The following USP46 variants were observed in gnomAD, a reference collection of about 807,000 sequenced individuals.
The protein encoded by USP46 is ubiquitin carboxyl-terminal hydrolase 46.
Under a neutral mutation model 44.4 loss-of-function variants are expected in USP46, and 12 were observed. That is an observed-to-expected ratio of 0.27 (90% CI 0.17 to 0.44). USP46 has a LOEUF of 0.44. Ranked by LOEUF, USP46 falls within the 20% of genes least tolerant of loss-of-function variation. USP46 has a pLI of 1.00. For synonymous variants in USP46, 155 were observed against 161.5 expected (o/e 0.96, Z 0.31); for missense variants, 248 against 444.8 (o/e 0.56, Z 3.98).
chr4:52,642,555 T>C (rs1374906927), intron 1 of USP46, among the ~76,000 whole-genome samples: 1 of 152,180 alleles, frequency 6.6e-6, no homozygotes, highest in Admixed American at 6.5e-5. Context: ...GAGAACCCCC[T>C]TCCTTCTGAA....
chr4:52,607,031 T>C (rs149796815), intron 5 of USP46, among the ~76,000 whole-genome samples: 1 of 152,218 alleles, frequency 6.6e-6, no homozygotes, highest in Non-Finnish European at 1.5e-5. Context: ...ATCCTCCCAA[T>C]GTCTACTGCA....
At chr4:52,657,907 A>G (rs1560417159) in intron 1 of USP46, among the ~76,000 whole-genome samples, 1 of 152,200 alleles carries the variant, frequency 6.6e-6, no homozygotes, top group Admixed American at 6.5e-5. Flanking sequence ...CTCCTTTGCC[A>G]TGTGTTGATC....
At chr4:52,611,291 T>A (rs1232425332) in intron 4 of USP46, among the ~76,000 whole-genome samples, 2 of 152,202 alleles carry the variant, frequency 1.3e-5, no homozygotes, top group Non-Finnish European at 2.9e-5. Context: ...GCCGGTTCGG[T>A]GGCCCCAGCT....
At chr4:52,657,280 A>G (rs535340998) in intron 1 of USP46, among the ~76,000 whole-genome samples, 316 of 151,902 alleles carry the variant, frequency 2.1e-3, no homozygotes, top group Non-Finnish European at 2.9e-3. Context: ...GGTCCTCCCC[A>G]CACCCTGTCT....
At chr4:52,606,307 G>A (rs1017563479) in intron 5 of USP46, among the ~76,000 whole-genome samples, 13 of 152,146 alleles carry the variant, frequency 8.5e-5, no homozygotes, top group Admixed American at 4.6e-4. Flanking sequence ...GAACAGCAGC[G>A]GTGACGTATT....
intron 2 of USP46, among the ~76,000 whole-genome samples, chr4:52,630,475 C>T (rs977647274): frequency 6.6e-6 from 1 of 152,148 alleles, no homozygotes; most frequent in African/African-American, 2.4e-5. Context: ...AGATTTCGGG[C>T]CTGGTGCAGT....
intron 7 of USP46, among the ~76,000 whole-genome samples, chr4:52,600,686 A>T (rs1164246754): frequency 2.6e-5 from 4 of 151,366 alleles, no homozygotes; most frequent in African/African-American, 9.7e-5. Context: ...CCTCCTGTCC[A>T]CACCACCCCT....
intron 1 of USP46, among the ~76,000 whole-genome samples, chr4:52,638,943 A>C (rs1318093390): frequency 1.3e-5 from 2 of 152,024 alleles, no homozygotes; most frequent in African/African-American, 2.4e-5. Flanking sequence ...ATAGACACAT[A>C]CTCTAAGAAT....
At position 52,601,988 on chromosome 4, in the gene USP46, C is replaced by A. The variant is rs374338221; in HGVS notation, c.789G>T (p.Gln263His). The stretch of plus-strand genomic sequence containing the variant: ...AAGACAGCTTGGTGTATCTGTGCAG[C>A]TGCTCCATGTACTTGAACCGCTTTA... ...LHLKRFKYME[Q>H]LHRYTKLSYR... The change falls in exon 7 of 9, where the codon CAG becomes CAT. Residue 263 changes from glutamine to histidine, a missense_variant. Transcript: ENST00000441222. The A allele has an allele frequency of 1.2e-6, 2 of 1,613,994 alleles. No homozygotes were observed. Among genetic ancestry groups the A allele is most frequent in the African/African-American group, 2.7e-5 (2 of 75,046 alleles).
At chr4:52,600,190 T>C (rs1320815439) in intron 7 of USP46, among the ~76,000 whole-genome samples, 2 of 152,166 alleles carry the variant, frequency 1.3e-5, no homozygotes, top group African/African-American at 4.8e-5. Flanking sequence ...CTGTGCTGTG[T>C]GTCTTTTCGT....
intron 4 of USP46, among the ~76,000 whole-genome samples, chr4:52,614,292 G>C (rs947668360): frequency 2.6e-5 from 4 of 152,124 alleles, no homozygotes; most frequent in African/African-American, 9.7e-5. Flanking sequence ...CCCAAATTTG[G>C]TGAAAGACAT....
chr4:52,633,711 G>C (rs1206660857), intron 1 of USP46, among the ~76,000 whole-genome samples: 2 of 152,138 alleles, frequency 1.3e-5, no homozygotes, highest in African/African-American at 4.8e-5. Context: ...AAATTCTTAG[G>C]TTCGGTGTGC....
At chr4:52,632,993 A>AGAAAAG (rs1560406250) in intron 1 of USP46, among the ~76,000 whole-genome samples, 2 of 113,332 alleles carry the variant, frequency 1.8e-5, no homozygotes, top group Non-Finnish European at 3.6e-5. Flanking sequence ...AGAAAAGAAA[A>AGAAAAG]GAAAGAAAGA....
chr4:52,597,361 T>C lies in USP46; in HGVS notation c.*279A>G, dbSNP rs1431391832. On this transcript the variant is annotated 3_prime_UTR_variant, in exon 9 of 9. Coordinates refer to ENST00000441222, the MANE Select transcript of USP46 (RefSeq NM_022832.4). The stretch of plus-strand genomic sequence containing the variant: ...GTCATTCTAATACAGCCAGACATAA[T>C]GAATGGCATAGCTTTCACCCAGTCC... 12 of 324,860 alleles carry C rather than the reference T, an allele frequency of 3.7e-5. No individual in the cohort carries two copies. The highest frequency in any genetic ancestry group is 6.7e-5 in the Non-Finnish European group (12 of 178,650). 20.1% of individuals were successfully genotyped at this position (324,860 alleles called of 1,614,324 possible). A position where few individuals can be genotyped will look rare whatever the true frequency, so the allele number is the denominator to read the frequency against.
chr4:52,607,751 G>A (rs1716748480), intron 5 of USP46, among the ~76,000 whole-genome samples: 1 of 152,054 alleles, frequency 6.6e-6, no homozygotes, highest in South Asian at 2.1e-4. Flanking sequence ...AAAGTGTTTA[G>A]CCCCTCCTCC....
chr4:52,618,646 A>G (rs916539052), intron 4 of USP46, among the ~76,000 whole-genome samples: 5 of 152,224 alleles, frequency 3.3e-5, no homozygotes, highest in African/African-American at 1.2e-4. Context: ...AAAGGTGATG[A>G]GGTGGCTGTT....
chr4:52,659,158 A>C lies in USP46; in HGVS notation c.-8T>G. On this transcript the variant is annotated 5_prime_UTR_variant, in exon 1 of 9. Coordinates refer to ENST00000441222, the MANE Select transcript of USP46 (RefSeq NM_022832.4). This position sits in a 1 kb window ranked among gnomAD's most constrained non-coding sequence, Gnocchi z 4.2. ...GATGTTTCGGACAGTCATTAGTCTA[A>C]AGGTTGCAGCGATCCCTCACCGCCA... 2 of 1,557,524 alleles carry C rather than the reference A, an allele frequency of 1.3e-6. No individual in the cohort carries two copies. The highest frequency in any genetic ancestry group is 1.7e-6 in the Non-Finnish European group (2 of 1,152,544).
At position 52,628,152 on chromosome 4, in the gene USP46, T is replaced by G. The variant is rs748842503; in HGVS notation, c.129A>C (p.Thr43=). ...HYFGLVNFGN[T]CYCNSVLQAL... ...CCTGAAGCACGGAGTTACAGTAGCA[T>G]GTGTTTCCAAACTGCCAAGGGACAA... is the stretch of plus-strand genomic sequence containing the variant. Residue 43 remains threonine (T), a synonymous_variant, in exon 3 of 9, where the codon ACA becomes ACC. Coordinates refer to ENST00000441222, the MANE Select transcript of USP46 (RefSeq NM_022832.4). The G allele has an allele frequency of 1.9e-6, 3 of 1,613,708 alleles. No homozygotes were observed. Among genetic ancestry groups the G allele is most frequent in the South Asian group, 1.1e-5 (1 of 91,060 alleles).
chr4:52,633,313 C>T (rs1166847366), intron 1 of USP46, among the ~76,000 whole-genome samples: 2 of 152,180 alleles, frequency 1.3e-5, no homozygotes, highest in Non-Finnish European at 2.9e-5. Context: ...CTCCCTTTAC[C>T]TGTCATGTGA....
Sources: allele counts gnomAD v4.1 joint callset (sites outside exome capture counted in the v4.1 genomes callset), GRCh38; gene constraint gnomAD v4.1.1; non-coding constraint Gnocchi (gnomAD v3.1); transcripts MANE v1.5; gene names NCBI Gene and HGNC (gene_info 2026-07-23, HGNC 2026-07-21).